The following LRP1B variants were observed in gnomAD, a reference collection of about 807,000 sequenced individuals.
LRP1B encodes the protein LDL receptor related protein 1B.
A neutral mutation model predicts 556.6 loss-of-function variants in LRP1B; 217 were observed. That is an observed-to-expected ratio of 0.39 (90% CI 0.35 to 0.44). The LOEUF is 0.44. Among genes scored for constraint, LRP1B ranks in the 20% least tolerant of loss-of-function variants. The probability of loss-of-function intolerance (pLI) is 1.00; values close to 1 mark genes in which losing one functional copy is unlikely to be tolerated. For missense variants in LRP1B, 5,053 were observed against 5,620.8 expected, an observed-to-expected ratio of 0.90 and a Z score of 3.23; for synonymous variants, 2,047 against 1,865.8, an observed-to-expected ratio of 1.10 and a Z score of -2.50.
chr2:140,804,648 A>ATTTTTTTTTTTTTTTTTT (rs1690646115), intron 32 of LRP1B, among the ~76,000 whole-genome samples: 1 of 103,892 alleles, frequency 9.6e-6, no homozygotes. Context: ...GGTAAAAACT[A>ATTTTTTTTTTTTTTTTTT]ATTTTTTTTT....
intron 41 of LRP1B, among the ~76,000 whole-genome samples, chr2:140,661,845 T>G (rs897714680): frequency 6.6e-6 from 1 of 152,230 alleles, no homozygotes. Context: ...TAAGTATATC[T>G]CTGTTCTATG....
At chr2:140,306,380 G>A (rs930533746) in intron 83 of LRP1B, among the ~76,000 whole-genome samples, 17 of 151,690 alleles carry the variant, frequency 1.1e-4, no homozygotes, top group Non-Finnish European at 1.6e-4. Context: ...GTTTAGTCTT[G>A]GGAGGGTGTA....
At chr2:141,257,066 A>G (rs937725674) in intron 3 of LRP1B, among the ~76,000 whole-genome samples, 1 of 152,092 alleles carries the variant, frequency 6.6e-6, no homozygotes, top group Admixed American at 6.5e-5. Context: ...GAAGAAGAGT[A>G]GTCTATAGAG....
chr2:141,015,645 C>A lies in LRP1B; in HGVS notation c.2190+51G>T, dbSNP rs541159704. The A allele has an allele frequency of 8.9e-5, 122 of 1,364,146 alleles. 1 individual carries two copies. The African/African-American group carries it at 1.6e-3, about 18-fold the overall frequency. The allele number at this position is 1,364,146 out of a possible 1,614,324, so 84.5% of individuals were successfully genotyped here. On this transcript the variant is annotated intron_variant, in intron 13 of 90. Coordinates refer to ENST00000389484, the MANE Select transcript of LRP1B (RefSeq NM_018557.3). ...ATTTTTAACACAACACAACAAGGCT[C>A]TGTGAAAAAAAGAAGCCTGTGGGTT...
chr2:142,092,819 T>G (rs903591914), intron 1 of LRP1B, among the ~76,000 whole-genome samples: 3 of 152,160 alleles, frequency 2.0e-5, no homozygotes, highest in African/African-American at 7.2e-5. Context: ...TCTGAGTAAT[T>G]CTATTTTCAG....
At chr2:141,498,703 T>G (rs1266145816) in intron 2 of LRP1B, among the ~76,000 whole-genome samples, 1 of 152,086 alleles carries the variant, frequency 6.6e-6, no homozygotes, top group Admixed American at 6.6e-5. Context: ...AACTGCATAA[T>G]GGCTCATATC....
At chr2:142,087,455 A>T (rs562604531) in intron 1 of LRP1B, among the ~76,000 whole-genome samples, 1 of 151,964 alleles carries the variant, frequency 6.6e-6, no homozygotes, top group African/African-American at 2.4e-5. Context: ...CTATTTCAGT[A>T]TGGACCTCCA....
At chr2:141,216,761 T>C (rs1682832731) in intron 6 of LRP1B, among the ~76,000 whole-genome samples, 1 of 152,226 alleles carries the variant, frequency 6.6e-6, no homozygotes, top group African/African-American at 2.4e-5. Context: ...ATTTCCCTGT[T>C]GGATTTCAAG....
intron 2 of LRP1B, among the ~76,000 whole-genome samples, chr2:141,637,066 T>C (rs1355427036): frequency 1.3e-5 from 2 of 152,312 alleles, no homozygotes; most frequent in Admixed American, 1.3e-4. Context: ...AATATATTCA[T>C]GTAAACACGT....
At chr2:140,688,049 C>T (rs913817151) in intron 41 of LRP1B, among the ~76,000 whole-genome samples, 1 of 152,060 alleles carries the variant, frequency 6.6e-6, no homozygotes, top group Non-Finnish European at 1.5e-5. Context: ...ATGAAAAATG[C>T]TGCTTCTAAT....
chr2:140,555,012 C>T (rs1680679702), intron 43 of LRP1B, among the ~76,000 whole-genome samples: 3 of 151,826 alleles, frequency 2.0e-5, no homozygotes, highest in South Asian at 4.1e-4. Context: ...ACATAATCTT[C>T]CCAGGATCAA....
At chr2:140,837,804 G>T (rs1298353713) in intron 31 of LRP1B, among the ~76,000 whole-genome samples, 2 of 145,510 alleles carry the variant, frequency 1.4e-5, no homozygotes, top group Non-Finnish European at 3.0e-5. Flanking sequence ...GGGGTGGGGG[G>T]AGGGGGGAAG....
Position 141,583,071 on chromosome 2 carries a change from C to T in LRP1B, c.206-102538G>A, listed in dbSNP as rs746788519. ...CAGGATGGTCTGGATTGCCTGACCT[C>T]GTGATCCGCCCCCTTTGGCCTCCCA... On this transcript the variant is annotated intron_variant, in intron 2 of 90. Transcript: ENST00000389484. Among the ~76,000 whole-genome samples, 21 of 152,114 alleles carry T rather than the reference C, an allele frequency of 1.4e-4. 1 individual carries two copies. The highest frequency in any genetic ancestry group is 6.2e-4 in the South Asian group (3 of 4,824).
At chr2:140,761,636 G>A (rs1688926849) in intron 35 of LRP1B, among the ~76,000 whole-genome samples, 2 of 152,236 alleles carry the variant, frequency 1.3e-5, no homozygotes, top group South Asian at 4.1e-4. Flanking sequence ...ATAATACTCA[G>A]TAGAGAGTTA....
intron 1 of LRP1B, among the ~76,000 whole-genome samples, chr2:142,111,653 G>A (rs1207357985): frequency 2.0e-5 from 3 of 152,038 alleles, no homozygotes; most frequent in Non-Finnish European, 4.4e-5. Context: ...AACCAAACAA[G>A]CAAACAAACA....
chr2:141,790,652 C>T (rs578088386), intron 2 of LRP1B, among the ~76,000 whole-genome samples: 1 of 149,520 alleles, frequency 6.7e-6, no homozygotes, highest in East Asian at 1.9e-4. Flanking sequence ...CCCTCATTAA[C>T]TGCCTTTTGT....
At chr2:141,547,274 T>C (rs1685587254) in intron 2 of LRP1B, among the ~76,000 whole-genome samples, 1 of 152,216 alleles carries the variant, frequency 6.6e-6, no homozygotes, top group Admixed American at 6.5e-5. Flanking sequence ...GTCAGATCAA[T>C]ATCATCCTTA....
intron 84 of LRP1B, among the ~76,000 whole-genome samples, chr2:140,293,936 G>C (rs1444187670): frequency 1.3e-5 from 2 of 152,084 alleles, no homozygotes; most frequent in African/African-American, 4.8e-5. Flanking sequence ...TGCAGTAAAA[G>C]GTGGGAAGCG....
At chr2:141,971,011 C>A (rs1355061226) in intron 1 of LRP1B, among the ~76,000 whole-genome samples, 1 of 151,518 alleles carries the variant, frequency 6.6e-6, no homozygotes, top group Non-Finnish European at 1.5e-5. Flanking sequence ...TATAACAACT[C>A]ATGCTATGGG....
Sources: allele counts gnomAD v4.1 joint callset (sites outside exome capture counted in the v4.1 genomes callset), GRCh38; gene constraint gnomAD v4.1.1; transcripts MANE v1.5; gene names NCBI Gene and HGNC (gene_info 2026-07-23, HGNC 2026-07-21).